The following TNFRSF14 variants were observed in gnomAD, a reference collection of about 807,000 sequenced individuals.
The protein encoded by TNFRSF14 is TNF receptor superfamily member 14, also known as tumor necrosis factor receptor superfamily member 14.
Under a neutral mutation model 34.1 loss-of-function variants are expected in TNFRSF14, and 18 were observed. That is an observed-to-expected ratio of 0.53 (90% CI 0.36 to 0.78). The LOEUF (loss-of-function observed/expected upper bound fraction) is 0.78. Among genes scored for constraint, TNFRSF14 ranks in the 30% least tolerant of loss-of-function variants. The probability of loss-of-function intolerance (pLI) is 0.00; values close to 1 mark genes in which losing one functional copy is unlikely to be tolerated. For missense variants in TNFRSF14, 352 were observed against 379.5 expected (o/e 0.93, Z 0.60); for synonymous variants, 157 against 153.2 (o/e 1.02, Z -0.18).
chr1:2,555,159 T>G (rs989716278), upstream of TNFRSF14: 3 of 152,270 alleles, frequency 2.0e-5, no homozygotes, highest in Non-Finnish European at 4.4e-5. The surrounding 1 kb of genome is among the most constrained non-coding windows in gnomAD (Gnocchi z 6.3). Context: ...GGGTGCCACC[T>G]GGTCCCCCAC....
rs1570592606 is a variant in TNFRSF14 at position 2,562,034 on chromosome 1, T to C, written c.694+219T>C. 39 of 603,072 alleles carry C rather than the reference T, an allele frequency of 6.5e-5. No homozygotes were observed. The East Asian group carries it at 1.1e-3, about 17-fold the overall frequency. The allele number at this position is 603,072 out of a possible 1,614,324, so 37.4% of individuals were successfully genotyped here. On this transcript the variant is annotated intron_variant, in intron 6 of 7. Transcript: ENST00000355716. Reference sequence around the variant, plus strand: ...GAAGGGAAGGTGGGACCCCTGACCGTGGAGCCCTCAGCCACCCCTGCCCAC... The same window carrying C: ...GAAGGGAAGGTGGGACCCCTGACCGCGGAGCCCTCAGCCACCCCTGCCCAC...
intron 6 of TNFRSF14, chr1:2,562,205 CCATTCATT>C (rs530382434): frequency 1.0e-5 from 3 of 291,500 alleles, no homozygotes; most frequent in African/African-American, 2.2e-5. Context: ...GAGAGTAAGG[CCATTCATT>C]CATTCATTCA....
Position 2,558,338 on chromosome 1 carries a change from G to A in TNFRSF14, c.179-5G>A, listed in dbSNP as rs751476634. ...CTTGCGAAGTTCCCACTCTCTGGGC[G>A]GCAGGTTATCGTGTGAAGGAGGCCT... On this transcript the variant is annotated splice_region_variant and splice_polypyrimidine_tract_variant and intron_variant, in intron 2 of 7. Coordinates refer to ENST00000355716, the MANE Select transcript of TNFRSF14 (RefSeq NM_003820.4). 11 of 1,597,584 alleles carry A rather than the reference G, an allele frequency of 6.9e-6. No individual in the cohort carries two copies. Among genetic ancestry groups the A allele is most frequent in the Admixed American group, 1.8e-5 (1 of 55,824 alleles).
intron 1 of TNFRSF14, among the ~76,000 whole-genome samples, chr1:2,557,339 T>A (rs1644230822): frequency 1.3e-5 from 2 of 152,132 alleles, no homozygotes; most frequent in Non-Finnish European, 2.9e-5. Context: ...CTGGGGCCCA[T>A]CCCTGGCTGC....
At chr1:2,558,549 A>C (rs2100846950) in intron 3 of TNFRSF14, 81 bp downstream of exon 3, 1 of 1,587,112 alleles carries the variant, frequency 6.3e-7, no homozygotes, top group Non-Finnish European at 8.5e-7. Context: ...CTCCATGGCC[A>C]CAGTGCCCCA....
At chr1:2,554,499 G>T (rs1322300303), upstream of TNFRSF14, among the ~76,000 whole-genome samples, 2 of 152,144 alleles carry the variant, frequency 1.3e-5, no homozygotes, top group Non-Finnish European at 2.9e-5. This position sits in a 1 kb window ranked among gnomAD's most constrained non-coding sequence, Gnocchi z 4.2. Context: ...AGGGAGCGGG[G>T]ACAGGGCTTA....
intron 3 of TNFRSF14, chr1:2,559,014 G>T (rs752823549): frequency 7.3e-7 from 1 of 1,368,018 alleles, no homozygotes; most frequent in Non-Finnish European, 9.6e-7. Flanking sequence ...CTGTCCATGC[G>T]GCCAACGGCT....
At position 2,561,630 on chromosome 1, in the gene TNFRSF14, C is replaced by T. The variant is rs757752111; in HGVS notation, c.552-43C>T. 2.0e-5 allele frequency: 32 copies of T among 1,609,864 alleles called. No homozygotes were observed. The highest frequency in any genetic ancestry group is 3.3e-4 in the Middle Eastern group (2 of 6,068). ...TCCCTGAGGCTGAGTGAACACTGGG[C>T]GCTGCACCTGCCTCTCCCACGTCCT... On this transcript the variant is annotated intron_variant, in intron 5 of 7. Transcript: ENST00000355716. The surrounding 1 kb of genome is among the most constrained non-coding windows in gnomAD (Gnocchi z 6.0).
At chr1:2,557,930 A>G in intron 2 of TNFRSF14, 96 bp downstream of exon 2, 1 of 1,059,596 alleles carries the variant, frequency 9.4e-7, no homozygotes, top group Non-Finnish European at 1.4e-6. Flanking sequence ...CTGCCCCCAC[A>G]GCCATGGGTG....
In TNFRSF14 at chr1:2,557,719, C is replaced by A; in HGVS notation, c.70-7C>A. Reference sequence around the variant, plus strand: ...GCATCTCCCAATGCCTGTCCTGACCCCCTTAGGTGCTGTATCTCACCTTCC... The same window carrying A: ...GCATCTCCCAATGCCTGTCCTGACCACCTTAGGTGCTGTATCTCACCTTCC... On this transcript the variant is annotated splice_region_variant and splice_polypyrimidine_tract_variant and intron_variant, in intron 1 of 7. Coordinates refer to ENST00000355716, the MANE Select transcript of TNFRSF14 (RefSeq NM_003820.4). 1 of 1,598,688 alleles carries A rather than the reference C, an allele frequency of 6.3e-7. No individual in the cohort carries two copies. Among genetic ancestry groups the A allele is most frequent in the Non-Finnish European group, 8.5e-7 (1 of 1,171,584 alleles).
At chr1:2,559,404 C>T (rs1298567163) in intron 3 of TNFRSF14, 13 of 1,384,584 alleles carry the variant, frequency 9.4e-6, no homozygotes, top group Non-Finnish European at 1.2e-5. Flanking sequence ...GGCTCTCACC[C>T]TACCTGCCTC....
rs2234163 is a variant in TNFRSF14 at position 2,559,867 on chromosome 1, G to A, written c.349G>A (p.Ala117Thr). 14,213 of 1,606,292 alleles carry A rather than the reference G, an allele frequency of 8.8e-3. 142 individuals are homozygous for A. The highest frequency in any genetic ancestry group is 0.036 in the African/African-American group (2,685 of 74,942). ...CCGGAACTGCTCCAGGACAGAGAAC[G>A]CCGTGTGTGGCTGCAGCCCAGGCCA... ...ASRNCSRTEN[A>T]VCGCSPGHFC... is the part of the protein sequence containing the mutation. Residue 117 changes from alanine (A) to threonine (T), a missense_variant, in exon 4 of 8, where the codon GCC becomes ACC. Physicochemically the swap from Ala to Thr is moderately conservative, Grantham distance 58 (BLOSUM62 0). Coordinates refer to ENST00000355716, the MANE Select transcript of TNFRSF14 (RefSeq NM_003820.4).
chr1:2,560,467 T>A, intron 4 of TNFRSF14, 157 bp from the exon 5 acceptor site: 7 of 597,304 alleles, frequency 1.2e-5, no homozygotes, highest in Non-Finnish European at 2.1e-5. Flanking sequence ...AGGCCCCACC[T>A]CCAAGACTCT....
At chr1:2,556,935 C>A (rs1644224419) in intron 1 of TNFRSF14, 2 of 557,366 alleles carry the variant, frequency 3.6e-6, no homozygotes, top group African/African-American at 1.9e-5. Context: ...AGAGCCACAG[C>A]CCTACCCAGC....
In TNFRSF14 at chr1:2,557,785, G is replaced by C. The variant is rs1436099573; in HGVS notation, c.129G>C (p.Lys43Asn). 1 of 1,611,706 alleles carries C rather than the reference G, an allele frequency of 6.2e-7. No homozygotes were observed. The highest frequency in any genetic ancestry group is 2.2e-5 in the East Asian group (1 of 44,824). ...PCYAPALPSC[K>N]EDEYPVGSEC... ...ACGCCCCAGCTCTGCCGTCCTGCAAGGAGGACGAGTACCCAGTGGGCTCCG... is the reference window on the plus strand; with the variant it reads ...ACGCCCCAGCTCTGCCGTCCTGCAACGAGGACGAGTACCCAGTGGGCTCCG... Residue 43 changes from lysine (K) to asparagine (N), a missense_variant, in exon 2 of 8, where the codon AAG (lysine) becomes AAC (asparagine). Coordinates refer to ENST00000355716, the MANE Select transcript of TNFRSF14 (RefSeq NM_003820.4).
chr1:2,557,733 A>G lies in TNFRSF14; in HGVS notation c.77A>G (p.Tyr26Cys). 2 of 1,607,780 alleles carry G rather than the reference A, an allele frequency of 1.2e-6. No homozygotes were observed. The highest frequency in any genetic ancestry group is 1.7e-6 in the Non-Finnish European group (2 of 1,177,008). ...PKTDVLRLVL[Y>C]LTFLGAPCYA... ...CTGTCCTGACCCCCTTAGGTGCTGT[A>G]TCTCACCTTCCTGGGAGCCCCCTGC... Residue 26 changes from tyrosine (Y) to cysteine (C), a missense_variant, in exon 2 of 8, where the codon TAT becomes TGT. Transcript: ENST00000355716.
intron 3 of TNFRSF14, chr1:2,559,549 A>G: frequency 2.6e-6 from 4 of 1,517,000 alleles, no homozygotes; most frequent in Non-Finnish European, 3.5e-6. Context: ...CGTCCTGCCC[A>G]TCTGGGCAGA....
intron 5 of TNFRSF14, chr1:2,560,942 A>G: frequency 3.8e-6 from 2 of 532,548 alleles, no homozygotes; most frequent in Non-Finnish European, 6.7e-6. Flanking sequence ...AGCTTCCTGG[A>G]GGCTCAGGAT....
chr1:2,558,197 C>T lies in TNFRSF14; in HGVS notation c.179-146C>T, dbSNP rs919006234. 5.7e-6 allele frequency: 7 copies of T among 1,232,462 alleles called. No individual in the cohort carries two copies. In the Admixed American group the frequency reaches 1.2e-4, roughly 22 times the overall value. The allele number at this position is 1,232,462 out of a possible 1,614,324, so 76.3% of individuals were successfully genotyped here. On this transcript the variant is annotated intron_variant, in intron 2 of 7. Coordinates refer to ENST00000355716, the MANE Select transcript of TNFRSF14 (RefSeq NM_003820.4). ...GCAGCTCTGCTCATGGCTGATGGGGCTGCTGTGTCCCGTGGGGCTCATGGG... is the reference window on the plus strand; with the variant it reads ...GCAGCTCTGCTCATGGCTGATGGGGTTGCTGTGTCCCGTGGGGCTCATGGG...
Sources: gnomAD v4.1 joint callset for allele counts (sites outside exome capture counted in the v4.1 genomes callset) on GRCh38, gnomAD v4.1.1 for gene constraint, Gnocchi (gnomAD v3.1) non-coding constraint, MANE v1.5 for transcripts, NCBI Gene and HGNC (gene_info 2026-07-23, HGNC 2026-07-21) for gene names.